Variants in DOCK4 observed in about 807,000 individuals in gnomAD.
DOCK4 encodes the protein dedicator of cytokinesis 4.
In DOCK4, 97 loss-of-function variants were observed where a neutral mutation model predicts 268.1. That is an observed-to-expected ratio of 0.36 (90% CI 0.31 to 0.43). The LOEUF (loss-of-function observed/expected upper bound fraction) is 0.43, where lower values mean the gene tolerates loss of function less well. Ranked by LOEUF, DOCK4 falls within the 20% of genes least tolerant of loss-of-function variation. The probability of loss-of-function intolerance (pLI) is 1.00; values close to 1 mark genes in which losing one functional copy is unlikely to be tolerated. For synonymous variants in DOCK4, 954 were observed against 887.2 expected (o/e 1.08, Z -1.34); for missense variants, 2,145 against 2,455.7 (o/e 0.87, Z 2.67).
chr7:111,907,867 T>C (rs1791722661), intron 13 of DOCK4, among the ~76,000 whole-genome samples: 2 of 152,204 alleles, frequency 1.3e-5, no homozygotes, highest in South Asian at 4.1e-4. Context: ...TAGCTGGGAC[T>C]GCAGGCGCAC....
chr7:112,143,277 T>C (rs1046465995), intron 1 of DOCK4, among the ~76,000 whole-genome samples: 1 of 152,088 alleles, frequency 6.6e-6, no homozygotes, highest in Non-Finnish European at 1.5e-5. Flanking sequence ...AGGAAAAGGC[T>C]AGCTCCAGGG....
At chr7:112,123,398 G>A (rs1987605) in intron 1 of DOCK4, among the ~76,000 whole-genome samples, 54,972 of 152,008 alleles carry the variant, frequency 0.36, 11,958 homozygotes, top group South Asian at 0.52. Flanking sequence ...CCAACACGGG[G>A]ATAAGAAATT....
At chr7:112,042,159 T>C (rs1804434957) in intron 1 of DOCK4, among the ~76,000 whole-genome samples, 1 of 152,106 alleles carries the variant, frequency 6.6e-6, no homozygotes, top group South Asian at 2.1e-4. Context: ...GAAAAAAGAT[T>C]ATCCAGTCCT....
intron 1 of DOCK4, among the ~76,000 whole-genome samples, chr7:112,032,113 A>C (rs1803332586): frequency 6.6e-6 from 1 of 152,232 alleles, no homozygotes. Context: ...AGGTCATAGC[A>C]AGCTTAGAAA....
chr7:112,092,151 GC>G (rs1440661913), intron 1 of DOCK4, among the ~76,000 whole-genome samples: 1 of 152,030 alleles, frequency 6.6e-6, no homozygotes, highest in East Asian at 1.9e-4. Flanking sequence ...ACTTTGTTTG[GC>G]AAATGAAGAT....
intron 1 of DOCK4, among the ~76,000 whole-genome samples, chr7:112,095,063 A>G (rs1375097202): frequency 6.6e-6 from 1 of 152,136 alleles, no homozygotes; most frequent in African/African-American, 2.4e-5. Context: ...CTAATACAGG[A>G]CTTTTATTGT....
chr7:111,803,907 CACCCAT>C (rs1380944932), intron 30 of DOCK4, among the ~76,000 whole-genome samples: 1 of 152,180 alleles, frequency 6.6e-6, no homozygotes. Context: ...TACCACCTCA[CACCCAT>C]TAGGATGACT....
chr7:112,017,390 C>T (rs558662070), intron 1 of DOCK4, among the ~76,000 whole-genome samples: 27 of 152,232 alleles, frequency 1.8e-4, no homozygotes, highest in Non-Finnish European at 2.1e-4. Context: ...CCTACTTAAT[C>T]GATTAAACAA....
rs536010739 is a variant in DOCK4, at chr7:111,826,422, T to C, written c.2836-3966A>G. ...GTTTGAGAGGATCGAATTTGTGTTT[T>C]AGATTTTTTAACTGTACCATATAAA... On this transcript the variant is annotated intron_variant, in intron 26 of 52. Coordinates refer to ENST00000428084, the MANE Select transcript of DOCK4 (RefSeq NM_001363540.2). Among the ~76,000 whole-genome samples, 7 of 152,354 alleles carry C rather than the reference T, an allele frequency of 4.6e-5. No individual in the cohort carries two copies. The South Asian group carries it at 1.0e-3, about 23-fold the overall frequency.
At chr7:112,073,645 T>C (rs1436816742) in intron 1 of DOCK4, among the ~76,000 whole-genome samples, 2 of 152,130 alleles carry the variant, frequency 1.3e-5, no homozygotes, top group African/African-American at 4.8e-5. Flanking sequence ...AAGCAAAATA[T>C]GTCAAGCACA....
At chr7:112,016,724 A>C (rs1019091631) in intron 1 of DOCK4, among the ~76,000 whole-genome samples, 3 of 152,198 alleles carry the variant, frequency 2.0e-5, no homozygotes, top group East Asian at 1.9e-4. Context: ...TTTAACATAA[A>C]GTACAAAATT....
At chr7:111,746,814 C>CTTT (rs59197701) in intron 43 of DOCK4, among the ~76,000 whole-genome samples, 5 of 110,908 alleles carry the variant, frequency 4.5e-5, no homozygotes, top group East Asian at 5.4e-4. Context: ...TCGGTCTTAT[C>CTTT]TTTTTTTTTT....
At chr7:112,107,523 A>G (rs1016930481) in intron 1 of DOCK4, among the ~76,000 whole-genome samples, 3 of 152,252 alleles carry the variant, frequency 2.0e-5, no homozygotes, top group African/African-American at 7.2e-5. Flanking sequence ...AACCTCCAGA[A>G]CTATGAGAAA....
intron 1 of DOCK4, among the ~76,000 whole-genome samples, chr7:112,110,175 A>G (rs1811522033): frequency 6.6e-6 from 1 of 152,240 alleles, no homozygotes. Flanking sequence ...CTTTCATTAA[A>G]TTGTATTATC....
At chr7:112,107,989 C>T (rs921568615) in intron 1 of DOCK4, among the ~76,000 whole-genome samples, 1 of 152,198 alleles carries the variant, frequency 6.6e-6, no homozygotes, top group African/African-American at 2.4e-5. Flanking sequence ...CCAGACTTCA[C>T]ATGCAACAAC....
intron 8 of DOCK4, among the ~76,000 whole-genome samples, chr7:111,961,128 C>T (rs59393696): frequency 0.27 from 41,315 of 151,886 alleles, 6,652 homozygotes; most frequent in African/African-American, 0.46. Context: ...GTCCTCAGCT[C>T]CCTCTGTCCT....
intron 1 of DOCK4, among the ~76,000 whole-genome samples, chr7:112,030,476 G>A (rs940990666): frequency 1.3e-5 from 2 of 152,226 alleles, no homozygotes; most frequent in African/African-American, 4.8e-5. Flanking sequence ...CAAGGTGGCT[G>A]TAGTGAACAC....
chr7:112,076,856 T>G (rs1018046484), intron 1 of DOCK4, among the ~76,000 whole-genome samples: 4 of 152,178 alleles, frequency 2.6e-5, no homozygotes, highest in African/African-American at 9.6e-5. Flanking sequence ...GAATACTACA[T>G]TTAATGAAGC....
At chr7:111,973,156 C>CATATATATATATATATAT (rs144045255) in intron 8 of DOCK4, among the ~76,000 whole-genome samples, 129 of 114,018 alleles carry the variant, frequency 1.1e-3, no homozygotes, top group East Asian at 1.9e-3. Flanking sequence ...TATTCCATGG[C>CATATATATATATATATAT]ATATATATAT....
Sources: gnomAD v4.1 joint callset for allele counts (sites outside exome capture counted in the v4.1 genomes callset) on GRCh38, gnomAD v4.1.1 for gene constraint, MANE v1.5 for transcripts, NCBI Gene and HGNC (gene_info 2026-07-23, HGNC 2026-07-21) for gene names.